PHF2: variants seen among roughly 807,000 people sequenced by gnomAD.
The protein encoded by PHF2 is PHD finger protein 2.
PHF2 carries 27 observed loss-of-function variants against 120.5 expected under a neutral mutation model. The ratio of observed to expected loss-of-function variants is 0.22; its 90% CI spans 0.17 to 0.31. The LOEUF is 0.31. PHF2 is among the 10% of genes least tolerant of loss of function. The pLI is 1.00. For synonymous variants in PHF2, 568 were observed against 592.5 expected (o/e 0.96, Z 0.60); for missense variants, 1,024 against 1,434.8 (o/e 0.71, Z 4.63).
intron 1 of PHF2, among the ~76,000 whole-genome samples, chr9:93,624,788 G>A (rs1206027750): frequency 6.6e-6 from 1 of 150,682 alleles, no homozygotes; most frequent in African/African-American, 2.4e-5. Flanking sequence ...GATAATGATG[G>A]TGTGGCAGTG....
rs755085750 is a variant in PHF2, at chr9:93,676,641, T to C, written c.2880T>C (p.Thr960=). Residue 960 remains threonine, a synonymous_variant, in exon 21 of 22, where the codon ACT becomes ACC. Transcript: ENST00000359246. Reference sequence around the variant, plus strand: ...AAAAGAGTGCCAAGAGGAAGCTGACTCCTAACACCACCTCCCCTTCCACCT... The same window carrying C: ...AAAAGAGTGCCAAGAGGAAGCTGACCCCTAACACCACCTCCCCTTCCACCT... ...KKKKSAKRKL[T]PNTTSPSTST... 1 of 1,608,246 alleles carries C rather than the reference T, an allele frequency of 6.2e-7. No homozygotes were observed. Among genetic ancestry groups the C allele is most frequent in the East Asian group, 2.2e-5 (1 of 44,728 alleles).
chr9:93,627,809 G>A (rs557335436), intron 1 of PHF2, among the ~76,000 whole-genome samples: 12 of 152,158 alleles, frequency 7.9e-5, no homozygotes, highest in Non-Finnish European at 1.3e-4. Flanking sequence ...TCTTGGGGAG[G>A]ATGGGGAATT....
chr9:93,659,488 C>A (rs1826520771), intron 10 of PHF2, 23 bp from the exon 11 acceptor site: 11 of 1,607,308 alleles, frequency 6.8e-6, no homozygotes, highest in Non-Finnish European at 7.7e-6. Context: ...CTGGTGCTGA[C>A]CCTGGGTCCG....
chr9:93,618,483 C>T (rs1481002253), intron 1 of PHF2, among the ~76,000 whole-genome samples: 1 of 152,256 alleles, frequency 6.6e-6, no homozygotes, highest in East Asian at 1.9e-4. Flanking sequence ...CACATATACA[C>T]ATGGGTGCAC....
intron 1 of PHF2, among the ~76,000 whole-genome samples, chr9:93,591,416 C>G (rs1003876382): frequency 2.3e-5 from 3 of 130,060 alleles, no homozygotes; most frequent in African/African-American, 1.0e-4. Flanking sequence ...CAGGCTGTAC[C>G]GTGGCCTTGC....
intron 1 of PHF2, among the ~76,000 whole-genome samples, chr9:93,627,980 A>C (rs769695816): frequency 6.6e-6 from 1 of 152,212 alleles, no homozygotes; most frequent in Non-Finnish European, 1.5e-5. Context: ...CTGCTGTCCC[A>C]TCCTCCAGGA....
At chr9:93,616,938 GAGCCACTGCACCC>G (rs1490425457) in intron 1 of PHF2, among the ~76,000 whole-genome samples, 1 of 152,160 alleles carries the variant, frequency 6.6e-6, no homozygotes, top group African/African-American at 2.4e-5. Context: ...TTACAGGTAT[GAGCCACTGCACCC>G]AGCCAATTTT....
intron 1 of PHF2, among the ~76,000 whole-genome samples, chr9:93,615,200 T>C (rs1825708324): frequency 1.5e-5 from 2 of 129,504 alleles, no homozygotes; most frequent in South Asian, 2.2e-4. Flanking sequence ...ATGGTGATGA[T>C]GATGGTGATG....
At position 93,654,680 on chromosome 9, in the gene PHF2, C is replaced by A; in HGVS notation, c.952+105C>A. ...TGTCCCCACCATGGGGTCTCTTCGG[C>A]ATCCCTGGCATGCCTGCTCCCTTGT... On this transcript the variant is annotated intron_variant, in intron 7 of 21. Coordinates refer to ENST00000359246, the MANE Select transcript of PHF2 (RefSeq NM_005392.4). The A allele has an allele frequency of 3.8e-6, 4 of 1,054,892 alleles. No individual in the cohort carries two copies. The East Asian group carries it at 7.2e-5, about 19-fold the overall frequency. The allele number at this position is 1,054,892 out of a possible 1,614,324, so 65.3% of individuals were successfully genotyped here. A position where few individuals can be genotyped will look rare whatever the true frequency, so the allele number is the denominator to read the frequency against.
chr9:93,611,523 T>G (rs1487624416), intron 1 of PHF2, among the ~76,000 whole-genome samples: 1 of 152,218 alleles, frequency 6.6e-6, no homozygotes, highest in East Asian at 1.9e-4. Context: ...ATTCCTTTTA[T>G]TTTTTAATAC....
Position 93,678,931 on chromosome 9 carries a change from G to A in PHF2, c.*1255G>A, listed in dbSNP as rs150766012. On this transcript the variant is annotated 3_prime_UTR_variant, in exon 22 of 22. Coordinates refer to ENST00000359246, the MANE Select transcript of PHF2 (RefSeq NM_005392.4). ...TGCCTGAAAAACAAGTGATGTCTGT[G>A]CAGCCTTACACTCTGTCTTTACAGA... The A allele has an allele frequency of 5.2e-6, 1 of 190,562 alleles. No individual in the cohort carries two copies. The highest frequency in any genetic ancestry group is 2.4e-5 in the African/African-American group (1 of 41,570). 11.8% of individuals were successfully genotyped at this position (190,562 alleles called of 1,614,324 possible). A position where few individuals can be genotyped will look rare whatever the true frequency, so the allele number is the denominator to read the frequency against.
intron 20 of PHF2, 76 bp from the exon 21 acceptor site, chr9:93,676,518 C>T: frequency 1.3e-6 from 2 of 1,517,724 alleles, no homozygotes; most frequent in Non-Finnish European, 1.8e-6. Context: ...CCTGGCAAGG[C>T]CATGCCGGGA....
chr9:93,633,660 C>G (rs934204715), intron 2 of PHF2, among the ~76,000 whole-genome samples: 1 of 152,246 alleles, frequency 6.6e-6, no homozygotes, highest in Non-Finnish European at 1.5e-5. Context: ...CCCCACGTCT[C>G]TGGCCTCAGT....
intron 1 of PHF2, among the ~76,000 whole-genome samples, chr9:93,616,412 G>C (rs1275879286): frequency 6.6e-6 from 1 of 152,244 alleles, no homozygotes; most frequent in Non-Finnish European, 1.5e-5. Flanking sequence ...AAGGGTAAGA[G>C]TGCCTGCCCT....
intron 6 of PHF2, 25 bp downstream of exon 6, chr9:93,653,390 T>TG (rs1417064558): frequency 6.2e-7 from 1 of 1,609,718 alleles, no homozygotes; most frequent in East Asian, 2.2e-5. Context: ...TCGGGGCACC[T>TG]CTGCCTTGCC....
chr9:93,578,535 T>C (rs10761237), intron 1 of PHF2, among the ~76,000 whole-genome samples: 81,342 of 152,100 alleles, frequency 0.53, 22,427 homozygotes, highest in African/African-American at 0.67. Context: ...GCAGTCACTC[T>C]GCTACAGAAC....
intron 14 of PHF2, among the ~76,000 whole-genome samples, chr9:93,664,445 A>G (rs1332192221): frequency 2.6e-5 from 4 of 152,202 alleles, no homozygotes; most frequent in African/African-American, 9.6e-5. Flanking sequence ...CTGAGGCCCC[A>G]GGCCTGGCCG....
chr9:93,595,531 T>C lies in PHF2; in HGVS notation c.98+18660T>C, dbSNP rs144258333. Among the ~76,000 whole-genome samples the C allele has an allele frequency of 1.2e-3, 182 of 152,374 alleles. 3 individuals are homozygous for C. Among genetic ancestry groups the C allele is most frequent in the African/African-American group, 4.0e-3 (167 of 41,584 alleles). On this transcript the variant is annotated intron_variant, in intron 1 of 21. Coordinates refer to ENST00000359246, the MANE Select transcript of PHF2 (RefSeq NM_005392.4). ...AGATATTTCCTAGTTGTCTTCATTGTGTGACCACTCATTGGCCCAAAGCTG... is the reference window on the plus strand; with the variant it reads ...AGATATTTCCTAGTTGTCTTCATTGCGTGACCACTCATTGGCCCAAAGCTG...
intron 1 of PHF2, among the ~76,000 whole-genome samples, chr9:93,607,217 A>T (rs1164423562): frequency 5.9e-5 from 9 of 152,130 alleles, no homozygotes; most frequent in Admixed American, 5.9e-4. Context: ...AAACTTCAGA[A>T]TCAATTTGTC....
Sources: gnomAD v4.1 joint callset for allele counts (sites outside exome capture counted in the v4.1 genomes callset) on GRCh38, gnomAD v4.1.1 for gene constraint, MANE v1.5 for transcripts, NCBI Gene and HGNC (gene_info 2026-07-23, HGNC 2026-07-21) for gene names.